Variants in RYK observed in about 807,000 individuals in gnomAD.
RYK encodes inactive tyrosine-protein kinase RYK.
In RYK, 21 loss-of-function variants were observed where a neutral mutation model predicts 70.2. The observed-to-expected ratio is 0.30, with a 90% confidence interval of 0.21 to 0.43. The LOEUF (loss-of-function observed/expected upper bound fraction) is 0.43, where lower values mean the gene tolerates loss of function less well. RYK is among the 20% of genes least tolerant of loss of function. The pLI, the probability that RYK is intolerant of heterozygous loss-of-function variation, is 1.00. For synonymous variants in RYK, 267 were observed against 278.0 expected (o/e 0.96, Z 0.39); for missense variants, 604 against 753.3 (o/e 0.80, Z 2.32).
Position 134,250,408 on chromosome 3 carries a change from G to C in RYK, c.232+15C>G. ...GGCCCGACCTGCCCGCCCCGGCCTC[G>C]GCGGCCCCACTCACCGATCAGCCGG... is the stretch of plus-strand genomic sequence containing the variant. On this transcript the variant is annotated intron_variant, in intron 1 of 14. Coordinates refer to ENST00000623711, the MANE Select transcript of RYK (RefSeq NM_002958.4). The C allele has an allele frequency of 7.3e-7, 1 of 1,375,312 alleles. No individual in the cohort carries two copies. Among genetic ancestry groups the C allele is most frequent in the Non-Finnish European group, 9.4e-7 (1 of 1,060,672 alleles). 85.2% of individuals were successfully genotyped at this position (1,375,312 alleles called of 1,614,324 possible).
chr3:134,249,922 T>TTG (rs1215423251), intron 1 of RYK, among the ~76,000 whole-genome samples: 1 of 134,514 alleles, frequency 7.4e-6, no homozygotes, highest in African/African-American at 3.0e-5. Context: ...CTCTCGTTTT[T>TTG]TTTTTTTTTT....
At chr3:134,198,001 A>T (rs904504862) in intron 6 of RYK, among the ~76,000 whole-genome samples, 1 of 152,218 alleles carries the variant, frequency 6.6e-6, no homozygotes, top group Non-Finnish European at 1.5e-5. Context: ...CTAAGTGGTC[A>T]GAACGAAATT....
intron 1 of RYK, among the ~76,000 whole-genome samples, chr3:134,242,333 C>T (rs2015344925): frequency 6.6e-6 from 1 of 151,746 alleles, no homozygotes; most frequent in Non-Finnish European, 1.5e-5. Flanking sequence ...AAGAATGAGA[C>T]CTATGAAATC....
chr3:134,202,773 C>T lies in RYK; in HGVS notation c.745G>A (p.Val249Ile). 4 of 1,613,284 alleles carry T rather than the reference C, an allele frequency of 2.5e-6. No individual in the cohort carries two copies. The highest frequency in any genetic ancestry group is 2.5e-6 in the Non-Finnish European group (3 of 1,179,600). Residue 249 changes from valine to isoleucine, a missense_variant, in exon 6 of 15, where the codon GTT becomes ATT. This residue lies in a region of RYK where 466 missense variants were observed against 535.9 expected (regional missense o/e 0.87). Coordinates refer to ENST00000623711, the MANE Select transcript of RYK (RefSeq NM_002958.4). ...VIFLVAIILA[V>I]LHLHSMKRIE... ...CTTTTCATACTATGAAGGTGCAAAA[C>T]AGCTAATATTATTGCTACGAGAAAT...
intron 13 of RYK, among the ~76,000 whole-genome samples, chr3:134,161,667 T>C (rs1445581020): frequency 6.6e-6 from 1 of 152,072 alleles, no homozygotes; most frequent in Non-Finnish European, 1.5e-5. Context: ...TTAAATGAAA[T>C]AAACAAATTT....
chr3:134,209,104 G>A (rs1008482342), intron 4 of RYK, among the ~76,000 whole-genome samples: 1 of 152,262 alleles, frequency 6.6e-6, no homozygotes, highest in East Asian at 1.9e-4. Flanking sequence ...GATTTCTTCA[G>A]TAACAGATAA....
chr3:134,170,092 G>A (rs374344181), intron 13 of RYK, among the ~76,000 whole-genome samples: 1 of 152,080 alleles, frequency 6.6e-6, no homozygotes, highest in Non-Finnish European at 1.5e-5. Flanking sequence ...AAAACAGAAG[G>A]GTGTTCCTAG....
intron 1 of RYK, among the ~76,000 whole-genome samples, chr3:134,231,569 C>A (rs1342711837): frequency 6.6e-6 from 1 of 152,186 alleles, no homozygotes; most frequent in Non-Finnish European, 1.5e-5. Context: ...AGTAGCTTAG[C>A]ACCCTGGCCG....
chr3:134,247,934 A>C (rs1437430580), intron 1 of RYK, among the ~76,000 whole-genome samples: 1 of 152,170 alleles, frequency 6.6e-6, no homozygotes, highest in African/African-American at 2.4e-5. Context: ...GTGATTCTAA[A>C]ATACGGTGCA....
intron 1 of RYK, among the ~76,000 whole-genome samples, chr3:134,223,073 G>A (rs1302233138): frequency 6.6e-6 from 1 of 152,184 alleles, no homozygotes; most frequent in Non-Finnish European, 1.5e-5. Flanking sequence ...CTTGCACCAG[G>A]TGTTTTGCAG....
At chr3:134,204,471 C>T (rs1285372689) in intron 5 of RYK, among the ~76,000 whole-genome samples, 1 of 151,880 alleles carries the variant, frequency 6.6e-6, no homozygotes, top group African/African-American at 2.4e-5. Context: ...TGCACTCCAG[C>T]CTGGGTGACA....
At chr3:134,234,419 A>G (rs2015149108) in intron 1 of RYK, among the ~76,000 whole-genome samples, 1 of 152,150 alleles carries the variant, frequency 6.6e-6, no homozygotes, top group Non-Finnish European at 1.5e-5. Context: ...AAGTACTATA[A>G]ACTGAAGAGA....
At chr3:134,200,112 A>AG (rs1482577141) in intron 6 of RYK, among the ~76,000 whole-genome samples, 1 of 152,070 alleles carries the variant, frequency 6.6e-6, no homozygotes, top group Non-Finnish European at 1.5e-5. Flanking sequence ...AGGGAAAAAA[A>AG]GCAGGCCACC....
chr3:134,222,310 T>A, intron 2 of RYK, 108 bp downstream of exon 2: 1 of 1,121,088 alleles, frequency 8.9e-7, no homozygotes, highest in South Asian at 1.3e-5. Context: ...TTATATCACA[T>A]CACCAGCGGA....
At chr3:134,246,401 A>G in intron 1 of RYK, among the ~76,000 whole-genome samples, 1 of 151,450 alleles carries the variant, frequency 6.6e-6, no homozygotes, top group Non-Finnish European at 1.5e-5. Context: ...ATTTCTGAAA[A>G]CTAAAAAGAG....
chr3:134,163,385 G>C (rs539331503), intron 13 of RYK, among the ~76,000 whole-genome samples: 1 of 152,158 alleles, frequency 6.6e-6, no homozygotes, highest in Non-Finnish European at 1.5e-5. Context: ...CGGTGGAAAG[G>C]GGGCAATAAG....
intron 6 of RYK, among the ~76,000 whole-genome samples, chr3:134,200,288 C>G (rs2013961877): frequency 6.6e-6 from 1 of 152,124 alleles, no homozygotes; most frequent in African/African-American, 2.4e-5. Context: ...GCCAGTGAGA[C>G]CACGAACCCA....
chr3:134,159,621 A>AT (rs1379796007), intron 13 of RYK, among the ~76,000 whole-genome samples: 6 of 152,248 alleles, frequency 3.9e-5, no homozygotes, highest in African/African-American at 1.4e-4. Context: ...TTTACTGTTG[A>AT]TTACAAGCTA....
intron 1 of RYK, among the ~76,000 whole-genome samples, chr3:134,245,604 T>C (rs1327762020): frequency 2.0e-5 from 3 of 152,044 alleles, no homozygotes; most frequent in Non-Finnish European, 4.4e-5. Flanking sequence ...TTCAAAGCTT[T>C]TGGATCCCCA....
Sources: gnomAD v4.1 joint callset for allele counts (sites outside exome capture counted in the v4.1 genomes callset) on GRCh38, gnomAD v4.1.1 for gene constraint, gnomAD v4.1.1 regional missense constraint, MANE v1.5 for transcripts, NCBI Gene and HGNC (gene_info 2026-07-23, HGNC 2026-07-21) for gene names.